Variants in PTGER3 observed in about 807,000 individuals in gnomAD.
PTGER3 encodes prostaglandin E2 receptor EP3 subtype.
A neutral mutation model predicts 34.7 loss-of-function variants in PTGER3; 22 were observed. The observed-to-expected ratio is 0.63, with a 90% CI of 0.45 to 0.91. PTGER3 has a LOEUF of 0.91. Ranked by LOEUF, PTGER3 falls within the 40% of genes least tolerant of loss-of-function variation. The probability of loss-of-function intolerance (pLI) is 0.00; values close to 1 mark genes in which losing one functional copy is unlikely to be tolerated. For missense variants in PTGER3, 468 were observed against 519.4 expected, an observed-to-expected ratio of 0.90 and a Z score of 0.96; for synonymous variants, 241 against 230.1, an observed-to-expected ratio of 1.05 and a Z score of -0.43.
At chr1:70,891,936 T>C (rs1265338866) in intron 4 of PTGER3, among the ~76,000 whole-genome samples, 3 of 152,138 alleles carry the variant, frequency 2.0e-5, no homozygotes, top group Non-Finnish European at 4.4e-5. Flanking sequence ...CACTTAGAGG[T>C]AGTAATGTTA....
chr1:70,864,091 A>G (rs1645989213), intron 4 of PTGER3, among the ~76,000 whole-genome samples: 1 of 152,012 alleles, frequency 6.6e-6, no homozygotes, highest in African/African-American at 2.4e-5. Flanking sequence ...TACATGTTAA[A>G]TTTCTTCCTA....
intron 4 of PTGER3, among the ~76,000 whole-genome samples, chr1:70,906,374 G>A (rs1646948272): frequency 6.6e-6 from 1 of 152,172 alleles, no homozygotes; most frequent in Admixed American, 6.5e-5. Flanking sequence ...ATCACCTGGG[G>A]AACTTGAAAA....
intron 2 of PTGER3, among the ~76,000 whole-genome samples, chr1:70,979,592 A>G (rs1366938107): frequency 6.6e-6 from 1 of 152,072 alleles, no homozygotes; most frequent in Non-Finnish European, 1.5e-5. Context: ...ACTAACAACA[A>G]AAATAAACGG....
chr1:71,040,061 AAG>A (rs1290968588), intron 1 of PTGER3, among the ~76,000 whole-genome samples: 1 of 151,734 alleles, frequency 6.6e-6, no homozygotes, highest in Non-Finnish European at 1.5e-5. Flanking sequence ...GAGAGAAAGA[AAG>A]AAAGAGAGGG....
At chr1:71,026,041 AT>A (rs1658899894) in intron 1 of PTGER3, among the ~76,000 whole-genome samples, 1 of 152,206 alleles carries the variant, frequency 6.6e-6, no homozygotes, top group Admixed American at 6.5e-5. Flanking sequence ...AGAATCTGAG[AT>A]AACACATCAG....
At chr1:70,952,251 G>A (rs1196139314), downstream of PTGER3, among the ~76,000 whole-genome samples, 3 of 143,548 alleles carry the variant, frequency 2.1e-5, no homozygotes, top group Non-Finnish European at 3.0e-5. Flanking sequence ...TCACATAACA[G>A]ATGAGAAATG....
chr1:71,010,077 T>C, intron 2 of PTGER3: 1 of 985,224 alleles, frequency 1.0e-6, no homozygotes, highest in South Asian at 4.7e-5. Flanking sequence ...CATCCCCTCC[T>C]AAAATATATC....
rs948779292 is a variant in PTGER3, at chr1:70,917,224, C to T, written c.*23+36539G>A. Among the ~76,000 whole-genome samples the T allele has an allele frequency of 5.9e-5, 9 of 151,512 alleles. No homozygotes were observed. The East Asian group carries it at 1.7e-3, about 29-fold the overall frequency. On this transcript the variant is annotated intron_variant, in intron 4 of 4. Coordinates refer to the PTGER3 transcript ENST00000370931. ...CCCCTCTCTCCTCAGTCTCTGGTTA[C>T]TAGTATTTCAGATTCTGCTTTCAGA... is the stretch of plus-strand genomic sequence containing the variant.
At position 70,887,066 on chromosome 1, in the gene PTGER3, G is replaced by A. The variant is rs547014925; in HGVS notation, c.*24-34207C>T. ...AACATCTAGAAGTCTTGGAAGAGAA[G>A]TCTATAATTTTTCCTTTGGGCATGA... On this transcript the variant is annotated intron_variant, in intron 4 of 4. Transcript: ENST00000370931. Among the ~76,000 whole-genome samples, 12 of 152,298 alleles carry A rather than the reference G, an allele frequency of 7.9e-5. No homozygotes were observed. The South Asian group carries it at 2.5e-3, about 32-fold the overall frequency.
chr1:70,908,661 C>A (rs1646999448), intron 4 of PTGER3, among the ~76,000 whole-genome samples: 2 of 152,158 alleles, frequency 1.3e-5, no homozygotes, highest in Admixed American at 1.3e-4. Context: ...TCAATGTGAA[C>A]CCAATTAAGC....
At chr1:71,040,374 A>G (rs1160861838) in intron 1 of PTGER3, among the ~76,000 whole-genome samples, 1 of 152,036 alleles carries the variant, frequency 6.6e-6, no homozygotes, top group East Asian at 1.9e-4. Flanking sequence ...GGCAGAGGCG[A>G]GAGGATCACA....
chr1:70,992,509 G>A (rs983200757), intron 2 of PTGER3, among the ~76,000 whole-genome samples: 8 of 152,150 alleles, frequency 5.3e-5, no homozygotes, highest in Admixed American at 1.3e-4. Flanking sequence ...TAAAGATAGC[G>A]CTCTGTTGAA....
chr1:71,028,580 C>G (rs999866690), intron 1 of PTGER3, among the ~76,000 whole-genome samples: 2 of 152,066 alleles, frequency 1.3e-5, no homozygotes, highest in African/African-American at 4.8e-5. Flanking sequence ...TTATTTTTTA[C>G]TATGTTTCCC....
downstream of PTGER3, among the ~76,000 whole-genome samples, chr1:70,969,907 TAC>T (rs892508072): frequency 6.6e-6 from 1 of 152,206 alleles, no homozygotes; most frequent in African/African-American, 2.4e-5. Context: ...TGTACGTTAT[TAC>T]AATTACCCTA....
In PTGER3 at chr1:70,988,252, AC is replaced by A. The variant is rs1184897539; in HGVS notation, c.1078-13865del. The stretch of plus-strand genomic sequence containing the variant: ...TTGATAAATTCTTTCCCATAAAATA[AC>A]CCATAGGAAGTTTTAAAAGTCATGC... On this transcript the variant is annotated intron_variant, in intron 2 of 3. Coordinates refer to ENST00000306666, the MANE Select transcript of PTGER3 (RefSeq NM_198719.2). 2.0e-5 allele frequency among the ~76,000 whole-genome samples: 3 copies of A among 152,292 alleles called. No individual in the cohort carries two copies. In the East Asian group the frequency reaches 5.8e-4, roughly 29 times the overall value.
chr1:71,012,583 T>A, intron 1 of PTGER3, 99 bp from the exon 2 acceptor site: 2 of 1,034,404 alleles, frequency 1.9e-6, no homozygotes, highest in Non-Finnish European at 2.8e-6. Context: ...AATAAATTGG[T>A]TGTTGGATTG....
At chr1:70,881,191 T>G (rs1646383404) in intron 4 of PTGER3, among the ~76,000 whole-genome samples, 1 of 152,236 alleles carries the variant, frequency 6.6e-6, no homozygotes, top group African/African-American at 2.4e-5. Context: ...TTCCTCAGCT[T>G]GGTTGATGGA....
intron 4 of PTGER3, among the ~76,000 whole-genome samples, chr1:70,917,403 T>TTGTGTGTGTGTGTGTGTGTGTGTGTG (rs59163586): frequency 7.3e-6 from 1 of 136,278 alleles, no homozygotes; most frequent in Admixed American, 7.6e-5. Context: ...GTATTTTATT[T>TTGTGTGTGTGTGTGTGTGTGTGTGTG]TGTGTGTGTG....
At chr1:70,985,156 G>A (rs754549075) in intron 2 of PTGER3, among the ~76,000 whole-genome samples, 49 of 152,116 alleles carry the variant, frequency 3.2e-4, no homozygotes, top group Non-Finnish European at 5.3e-4. Context: ...TCTCCATTAC[G>A]ATGGCCTCAG....
Sources: gnomAD v4.1 joint callset for allele counts (sites outside exome capture counted in the v4.1 genomes callset) on GRCh38, gnomAD v4.1.1 for gene constraint, MANE v1.5 for transcripts, NCBI Gene and HGNC (gene_info 2026-07-23, HGNC 2026-07-21) for gene names.